Variants in ARHGAP26 observed in about 807,000 individuals in gnomAD.
The protein encoded by ARHGAP26 is rho GTPase-activating protein 26.
In ARHGAP26, 38 loss-of-function variants were observed where a neutral mutation model predicts 104.8. That is an observed-to-expected ratio of 0.36 (90% CI 0.28 to 0.48). The LOEUF (loss-of-function observed/expected upper bound fraction) is 0.48. Ranked by LOEUF, ARHGAP26 falls within the 20% of genes least tolerant of loss-of-function variation. ARHGAP26 has a pLI of 0.99. For synonymous variants in ARHGAP26, 341 were observed against 340.0 expected, an observed-to-expected ratio of 1.00 and a Z score of -0.03; for missense variants, 704 against 947.9, an observed-to-expected ratio of 0.74 and a Z score of 3.38.
At chr5:143,170,533 G>A (rs1802628789) in intron 20 of ARHGAP26, 1 of 152,190 alleles carries the variant, frequency 6.6e-6, no homozygotes, top group South Asian at 2.1e-4. Flanking sequence ...GTTCTCAAAG[G>A]TTGAAATGAA....
chr5:142,801,680 A>T (rs1762101838), intron 1 of ARHGAP26, among the ~76,000 whole-genome samples: 1 of 151,738 alleles, frequency 6.6e-6, no homozygotes, highest in African/African-American at 2.4e-5. Flanking sequence ...ATGATGAAGA[A>T]TTCCCACCCC....
At chr5:143,084,341 A>T (rs758344123) in intron 17 of ARHGAP26, among the ~76,000 whole-genome samples, 4 of 152,246 alleles carry the variant, frequency 2.6e-5, no homozygotes, top group Admixed American at 6.5e-5. Flanking sequence ...TGAGCTCTAG[A>T]TTCTCATCAC....
At chr5:143,036,210 A>G (rs781286958) in intron 12 of ARHGAP26, among the ~76,000 whole-genome samples, 2 of 152,062 alleles carry the variant, frequency 1.3e-5, no homozygotes, top group Non-Finnish European at 2.9e-5. Context: ...TTTCTTTTCC[A>G]CTCTGACCAT....
chr5:142,894,412 A>G (rs2152432598), intron 6 of ARHGAP26, 64 bp downstream of exon 6: 8 of 1,438,532 alleles, frequency 5.6e-6, no homozygotes, highest in Non-Finnish European at 7.8e-6. Flanking sequence ...AACTAGTAGT[A>G]GATTACAAAA....
At chr5:143,152,035 G>A (rs1256840829) in intron 20 of ARHGAP26, among the ~76,000 whole-genome samples, 1 of 152,134 alleles carries the variant, frequency 6.6e-6, no homozygotes, top group African/African-American at 2.4e-5. Context: ...GCAAAATTAT[G>A]GAATCAATAA....
intron 17 of ARHGAP26, among the ~76,000 whole-genome samples, chr5:143,085,110 A>G (rs1006059918): frequency 6.0e-5 from 9 of 150,146 alleles, no homozygotes; most frequent in Non-Finnish European, 1.0e-4. Context: ...CCCTCACCCC[A>G]TGCGTTGTGC....
Position 143,152,729 on chromosome 5 carries a change from C to G in ARHGAP26, c.1988+5348C>G, listed in dbSNP as rs547505873. 5.9e-5 allele frequency among the ~76,000 whole-genome samples: 9 copies of G among 152,354 alleles called. No individual in the cohort carries two copies. The South Asian group carries it at 1.9e-3, about 32-fold the overall frequency. ...AGGCCACAATGCCTCACAGCTTTCT[C>G]TCTCATTCTCTTGGAACCCAGTCAC... On this transcript the variant is annotated intron_variant, in intron 20 of 22. Transcript: ENST00000645722.
At chr5:142,787,527 A>G (rs1364320351) in intron 1 of ARHGAP26, among the ~76,000 whole-genome samples, 1 of 152,172 alleles carries the variant, frequency 6.6e-6, no homozygotes, top group African/African-American at 2.4e-5. Flanking sequence ...GATAAGATGG[A>G]TGGCTTACAT....
At chr5:143,143,636 A>G (rs979149717) in intron 19 of ARHGAP26, among the ~76,000 whole-genome samples, 10 of 152,172 alleles carry the variant, frequency 6.6e-5, no homozygotes, top group Admixed American at 2.6e-4. Flanking sequence ...TTCCAGCAGC[A>G]TAAATTTTTG....
chr5:143,201,822 T>G (rs1367005321), intron 20 of ARHGAP26, among the ~76,000 whole-genome samples: 2 of 152,330 alleles, frequency 1.3e-5, no homozygotes, highest in Non-Finnish European at 2.9e-5. Context: ...TGCAGTAGTA[T>G]TGTTGATAGG....
At position 142,929,844 on chromosome 5, in the gene ARHGAP26, C is replaced by T. The variant is rs144114022; in HGVS notation, c.1029-2203C>T. ...TCACTGTTTGCTGGTGAGCCACTAGCAGGAAACGAACTAGAGACATGTTGG... is the reference window on the plus strand; with the variant it reads ...TCACTGTTTGCTGGTGAGCCACTAGTAGGAAACGAACTAGAGACATGTTGG... On this transcript the variant is annotated intron_variant, in intron 10 of 22. Coordinates refer to ENST00000645722, the MANE Select transcript of ARHGAP26 (RefSeq NM_001135608.3). 2.5e-3 allele frequency among the ~76,000 whole-genome samples: 388 copies of T among 152,290 alleles called. 2 individuals carry two copies. The highest frequency in any genetic ancestry group is 1.9e-3 in the Non-Finnish European group (127 of 68,018).
intron 11 of ARHGAP26, among the ~76,000 whole-genome samples, chr5:143,011,943 G>T (rs1342588849): frequency 6.6e-6 from 1 of 152,182 alleles, no homozygotes; most frequent in Admixed American, 6.5e-5. Flanking sequence ...CTTTGGCACA[G>T]TCTCATTTGA....
Position 142,770,642 on chromosome 5 carries a change from A to G in ARHGAP26, c.-120A>G, listed in dbSNP as rs981922743. 5.6e-6 allele frequency: 4 copies of G among 720,384 alleles called. No individual in the cohort carries two copies. The highest frequency in any genetic ancestry group is 6.9e-6 in the Non-Finnish European group (4 of 577,226). 44.6% of individuals were successfully genotyped at this position (720,384 alleles called of 1,614,324 possible). On this transcript the variant is annotated 5_prime_UTR_variant, in exon 1 of 23. Coordinates refer to ENST00000645722, the MANE Select transcript of ARHGAP26 (RefSeq NM_001135608.3). Reference sequence around the variant, plus strand: ...CGCGCGCGGAGTGAGCCAGCGCCACACCTGTGGAGCCGGCGGCCGTCGGGG... The same window carrying G: ...CGCGCGCGGAGTGAGCCAGCGCCACGCCTGTGGAGCCGGCGGCCGTCGGGG...
intron 18 of ARHGAP26, among the ~76,000 whole-genome samples, chr5:143,125,511 C>T (rs774135840): frequency 6.6e-6 from 1 of 152,190 alleles, no homozygotes; most frequent in Non-Finnish European, 1.5e-5. Flanking sequence ...CTTCTGTCCT[C>T]CACCTCTCTC....
intron 4 of ARHGAP26, among the ~76,000 whole-genome samples, chr5:142,882,672 C>A (rs1476494154): frequency 6.6e-6 from 1 of 152,202 alleles, no homozygotes; most frequent in Non-Finnish European, 1.5e-5. Flanking sequence ...CCACTGTCAC[C>A]ACCATTGCTG....
intron 11 of ARHGAP26, among the ~76,000 whole-genome samples, chr5:142,983,160 A>G (rs140642076): frequency 6.0e-4 from 92 of 152,196 alleles, no homozygotes; most frequent in East Asian, 3.5e-3. Context: ...TCTGAGCCTT[A>G]TCTTCCCTTG....
intron 17 of ARHGAP26, among the ~76,000 whole-genome samples, chr5:143,060,621 A>T (rs2150315849): frequency 6.6e-6 from 1 of 151,994 alleles, no homozygotes; most frequent in African/African-American, 2.4e-5. Context: ...TATGATAATT[A>T]GATGTTTTCT....
At chr5:143,191,924 TACCGTTTTATGAC>T (rs371871993) in intron 20 of ARHGAP26, among the ~76,000 whole-genome samples, 1,909 of 152,362 alleles carry the variant, frequency 0.013, 31 homozygotes, top group African/African-American at 0.043. Context: ...ATGAGAGCTG[TACCGTTTTATGAC>T]ATCAGATAAT....
intron 6 of ARHGAP26, among the ~76,000 whole-genome samples, chr5:142,895,937 T>A (rs1201493094): frequency 6.6e-6 from 1 of 152,228 alleles, no homozygotes; most frequent in East Asian, 1.9e-4. Context: ...TTTGGCAGAT[T>A]CCTTAAAGTC....
Sources: allele counts gnomAD v4.1 joint callset (sites outside exome capture counted in the v4.1 genomes callset), GRCh38; gene constraint gnomAD v4.1.1; transcripts MANE v1.5; gene names NCBI Gene and HGNC (gene_info 2026-07-23, HGNC 2026-07-21).